Variants in NKAIN3 observed in about 807,000 individuals in gnomAD.
NKAIN3 encodes the protein sodium/potassium-transporting ATPase subunit beta-1-interacting protein 3.
NKAIN3 carries 25 observed loss-of-function variants against 30.2 expected under a neutral mutation model. The observed-to-expected ratio is 0.83, with a 90% confidence interval of 0.60 to 1.16. NKAIN3 has a LOEUF of 1.16. Among genes scored for constraint, NKAIN3 ranks in the 50% most tolerant of loss-of-function variants. NKAIN3 has a pLI of 0.00. For synonymous variants in NKAIN3, 91 were observed against 89.6 expected (o/e 1.02, Z -0.09); for missense variants, 225 against 254.1 (o/e 0.89, Z 0.78).
At chr8:62,302,828 G>C (rs1026685638) in intron 1 of NKAIN3, among the ~76,000 whole-genome samples, 3 of 141,980 alleles carry the variant, frequency 2.1e-5, no homozygotes, top group African/African-American at 9.4e-5. Flanking sequence ...ATTATTTAGG[G>C]CATCTTTGTT....
rs73684996 is a variant in NKAIN3 at position 62,426,664 on chromosome 8, G to A, written c.55-152875G>A. ...CCTCTTGATTCCTTGTGTATAATTG[G>A]GTGGAGCCTATTTCATTAATTAAGA... On this transcript the variant is annotated intron_variant, in intron 1 of 6. Coordinates refer to ENST00000623646, the MANE Select transcript of NKAIN3 (RefSeq NM_001304533.3). 5.5e-3 allele frequency among the ~76,000 whole-genome samples: 829 copies of A among 151,990 alleles called. 6 individuals carry two copies. The highest frequency in any genetic ancestry group is 0.019 in the African/African-American group (782 of 41,482).
At chr8:62,869,277 G>C (rs1047481527) in intron 4 of NKAIN3, among the ~76,000 whole-genome samples, 12 of 152,158 alleles carry the variant, frequency 7.9e-5, no homozygotes, top group African/African-American at 2.9e-4. Context: ...AGCCCAGCAT[G>C]CATTAGATAT....
intron 4 of NKAIN3, among the ~76,000 whole-genome samples, chr8:62,789,405 G>A (rs1817631165): frequency 6.6e-6 from 1 of 152,132 alleles, no homozygotes; most frequent in African/African-American, 2.4e-5. Flanking sequence ...CTTTGCTGAA[G>A]TTGCTTATCA....
At chr8:62,576,452 T>C (rs1403876839) in intron 1 of NKAIN3, among the ~76,000 whole-genome samples, 1 of 152,074 alleles carries the variant, frequency 6.6e-6, no homozygotes, top group Non-Finnish European at 1.5e-5. Flanking sequence ...GCAGAGATCC[T>C]CTTTCAGTCC....
intron 1 of NKAIN3, among the ~76,000 whole-genome samples, chr8:62,425,348 T>C (rs2129597115): frequency 6.6e-6 from 1 of 152,020 alleles, no homozygotes; most frequent in South Asian, 2.1e-4. Context: ...ACTTTCATTG[T>C]CTAATATGAT....
chr8:62,296,542 T>A lies in NKAIN3; in HGVS notation c.54+47415T>A, dbSNP rs185816920. Among the ~76,000 whole-genome samples the A allele has an allele frequency of 3.1e-3, 478 of 152,198 alleles. 4 individuals are homozygous for A. The highest frequency in any genetic ancestry group is 0.011 in the African/African-American group (467 of 41,536). On this transcript the variant is annotated intron_variant, in intron 1 of 6. Coordinates refer to ENST00000623646, the MANE Select transcript of NKAIN3 (RefSeq NM_001304533.3). ...GTAGCATATTAACTGTAACTTTTTT[T>A]TAAAAAAAGAGATTTTACAGTTATT...
chr8:62,570,749 A>G (rs947201993), intron 1 of NKAIN3, among the ~76,000 whole-genome samples: 2 of 151,988 alleles, frequency 1.3e-5, no homozygotes, highest in Admixed American at 6.6e-5. Context: ...GTCCCTCCAA[A>G]TCTCATCACA....
At chr8:62,882,135 T>C (rs1194687028) in intron 4 of NKAIN3, among the ~76,000 whole-genome samples, 1 of 152,194 alleles carries the variant, frequency 6.6e-6, no homozygotes, top group African/African-American at 2.4e-5. Flanking sequence ...GTTATTTGTA[T>C]ATTTAGGATA....
intron 1 of NKAIN3, among the ~76,000 whole-genome samples, chr8:62,417,922 A>G (rs1279148423): frequency 6.6e-6 from 1 of 152,212 alleles, no homozygotes; most frequent in Non-Finnish European, 1.5e-5. Context: ...AAGGAATACA[A>G]TCAAAAAAGA....
At chr8:62,355,144 A>C (rs1343539273) in intron 1 of NKAIN3, among the ~76,000 whole-genome samples, 1 of 152,196 alleles carries the variant, frequency 6.6e-6, no homozygotes, top group East Asian at 1.9e-4. Context: ...TTCAGCAGGG[A>C]TGAGTCACTT....
At chr8:62,308,787 G>T (rs1357273732) in intron 1 of NKAIN3, among the ~76,000 whole-genome samples, 1 of 150,512 alleles carries the variant, frequency 6.6e-6, no homozygotes, top group Non-Finnish European at 1.5e-5. Flanking sequence ...AAGAGAGCAG[G>T]TGCAGAAAGA....
chr8:62,323,774 A>G (rs140856267), intron 1 of NKAIN3, among the ~76,000 whole-genome samples: 30 of 152,346 alleles, frequency 2.0e-4, no homozygotes, highest in African/African-American at 7.0e-4. Flanking sequence ...ATTGACCAAT[A>G]CAAAGATATG....
At chr8:62,267,685 T>G (rs376680030) in intron 1 of NKAIN3, among the ~76,000 whole-genome samples, 1 of 152,206 alleles carries the variant, frequency 6.6e-6, no homozygotes, top group African/African-American at 2.4e-5. Flanking sequence ...TTCACTGACT[T>G]CTTGGTAAAT....
At chr8:62,827,141 A>G (rs1819053251) in intron 4 of NKAIN3, among the ~76,000 whole-genome samples, 1 of 152,192 alleles carries the variant, frequency 6.6e-6, no homozygotes, top group South Asian at 2.1e-4. Flanking sequence ...TTGGCATGTG[A>G]TGGTTTCTGA....
At chr8:62,476,400 A>G (rs1171628231) in intron 1 of NKAIN3, among the ~76,000 whole-genome samples, 1 of 151,578 alleles carries the variant, frequency 6.6e-6, no homozygotes, top group East Asian at 1.9e-4. Context: ...TGCACATGTT[A>G]GACAGTTAGT....
chr8:62,985,469 GA>G (rs1824183708), downstream of NKAIN3, among the ~76,000 whole-genome samples: 4 of 152,138 alleles, frequency 2.6e-5, no homozygotes, highest in Non-Finnish European at 4.4e-5. Flanking sequence ...CTCCCAAGGA[GA>G]TCTGCCCACT....
At chr8:62,342,385 G>T (rs73684959) in intron 1 of NKAIN3, among the ~76,000 whole-genome samples, 5,959 of 152,106 alleles carry the variant, frequency 0.039, 426 homozygotes, top group African/African-American at 0.14. Context: ...TGTCTATATA[G>T]TCACAGTGAA....
At chr8:62,960,492 T>C (rs374231030) in intron 6 of NKAIN3, among the ~76,000 whole-genome samples, 29 of 152,056 alleles carry the variant, frequency 1.9e-4, no homozygotes, top group African/African-American at 7.0e-4. Context: ...GATGTGGAGA[T>C]ATAGTCCACC....
chr8:62,328,309 T>C (rs948216522), intron 1 of NKAIN3, among the ~76,000 whole-genome samples: 1 of 152,150 alleles, frequency 6.6e-6, no homozygotes, highest in Non-Finnish European at 1.5e-5. Context: ...TCAATATACA[T>C]TAACAATTAT....
Sources: gnomAD v4.1 joint callset for allele counts (sites outside exome capture counted in the v4.1 genomes callset) on GRCh38, gnomAD v4.1.1 for gene constraint, MANE v1.5 for transcripts, NCBI Gene and HGNC (gene_info 2026-07-23, HGNC 2026-07-21) for gene names.